Variants in TTLL10 observed in about 807,000 individuals in gnomAD.
TTLL10 encodes tubulin tyrosine ligase like 10.
TTLL10 carries 61 observed loss-of-function variants against 69.0 expected under a neutral mutation model. The ratio of observed to expected loss-of-function variants is 0.88; its 90% CI spans 0.72 to 1.09. The LOEUF is 1.09. TTLL10 is among the 50% of genes least tolerant of loss of function. TTLL10 has a pLI of 0.00. For missense variants in TTLL10, 962 were observed against 945.9 expected (o/e 1.02, Z -0.22); for synonymous variants, 408 against 393.3 (o/e 1.04, Z -0.44).
Position 1,197,836 on chromosome 1 carries a change from G to T in TTLL10, c.2011G>T (p.Ala671Ser). 2 of 1,494,772 alleles carry T rather than the reference G, an allele frequency of 1.3e-6. No individual in the cohort carries two copies. Among genetic ancestry groups the T allele is most frequent in the South Asian group, 1.3e-5 (1 of 78,374 alleles). 92.6% of individuals were successfully genotyped at this position (1,494,772 alleles called of 1,614,324 possible). The change falls in exon 16 of 16, where the codon GCG (alanine) becomes TCG (serine). Residue 671 changes from alanine (A) to serine (S), a missense_variant. Transcript: ENST00000379289. ...GGAGGAACGCGAGGAGCCTGAGAAC[G>T]CGAGGCCCTAGGGGCAGCCACCCGC... ...AKEEREEPEN[A>S]RP
Position 1,181,804 on chromosome 1 carries a change from C to T in TTLL10, c.819C>T (p.Leu273=), listed in dbSNP as rs2100873487. ...EDLPWTSPGY[L]RPQRVLRMEE... Reference sequence around the variant, plus strand: ...TCCCGTGGACAAGCCCAGGATACCTCAGGCCACAGAGGTAGACTCAGCCCA... The same window carrying T: ...TCCCGTGGACAAGCCCAGGATACCTTAGGCCACAGAGGTAGACTCAGCCCA... Residue 273 remains leucine (L), a synonymous_variant, in exon 9 of 16, where the codon CTC becomes CTT. Transcript: ENST00000379289. The surrounding 1 kb of genome is among the most constrained non-coding windows in gnomAD (Gnocchi z 4.6). The T allele has an allele frequency of 6.2e-7, 1 of 1,608,012 alleles. No homozygotes were observed. Among genetic ancestry groups the T allele is most frequent in the African/African-American group, 1.3e-5 (1 of 75,028 alleles).
chr1:1,183,638 C>T (rs1647149524), intron 11 of TTLL10, among the ~76,000 whole-genome samples: 1 of 152,240 alleles, frequency 6.6e-6, no homozygotes, highest in South Asian at 2.1e-4. Context: ...CTGGCGCGCT[C>T]CTTCCCTTCC....
chr1:1,189,145 C>T (rs1017567410), intron 13 of TTLL10, among the ~76,000 whole-genome samples: 1 of 152,110 alleles, frequency 6.6e-6, no homozygotes, highest in African/African-American at 2.4e-5. Flanking sequence ...TATTTCTTTT[C>T]TTACATATTG....
chr1:1,190,415 T>C (rs1339854187), intron 13 of TTLL10, among the ~76,000 whole-genome samples: 1 of 151,234 alleles, frequency 6.6e-6, no homozygotes, highest in Non-Finnish European at 1.5e-5. Flanking sequence ...GGGTTTAGTT[T>C]GCTCTTCTTT....
chr1:1,191,316 G>C (rs993024485), intron 13 of TTLL10, among the ~76,000 whole-genome samples: 3 of 151,996 alleles, frequency 2.0e-5, no homozygotes, highest in Non-Finnish European at 2.9e-5. Flanking sequence ...ATTGGAGCTG[G>C]TGTGTTGGCA....
chr1:1,185,222 G>A lies in TTLL10; in HGVS notation c.1401+113G>A, dbSNP rs1647230593. On this transcript the variant is annotated intron_variant, in intron 13 of 15. Coordinates refer to ENST00000379289, the MANE Select transcript of TTLL10 (RefSeq NM_001130045.2). The surrounding 1 kb of genome is among the most constrained non-coding windows in gnomAD (Gnocchi z 6.1). The stretch of plus-strand genomic sequence containing the variant: ...CGTGGCGTGCGTGGGCGGCTGCGCT[G>A]AAGTGTGACCTGACCGTGTGGAACC... 2.6e-6 allele frequency: 4 copies of A among 1,521,408 alleles called. No homozygotes were observed. Among genetic ancestry groups the A allele is most frequent in the Non-Finnish European group, 3.5e-6 (4 of 1,134,840 alleles). The allele number at this position is 1,521,408 out of a possible 1,614,324, so 94.2% of individuals were successfully genotyped here.
At position 1,185,080 on chromosome 1, in the gene TTLL10, G is replaced by T; in HGVS notation, c.1372G>T (p.Ala458Ser). ...SDTFWKARGL[A>S]KDWVFTTLKK... Reference sequence around the variant, plus strand: ...CACGTTCTGGAAGGCCCGGGGCCTCGCCAAGGACTGGGTCTTCACCACCCT... The same window carrying T: ...CACGTTCTGGAAGGCCCGGGGCCTCTCCAAGGACTGGGTCTTCACCACCCT... The change falls in exon 13 of 16, where the codon GCC (alanine) becomes TCC (serine). Residue 458 changes from alanine to serine, a missense_variant. Physicochemically the swap from Ala to Ser is moderately conservative, Grantham distance 99 (BLOSUM62 1). Coordinates refer to ENST00000379289, the MANE Select transcript of TTLL10 (RefSeq NM_001130045.2). This position sits in a 1 kb window ranked among gnomAD's most constrained non-coding sequence, Gnocchi z 6.1. 1 of 1,613,932 alleles carries T rather than the reference G, an allele frequency of 6.2e-7. No individual in the cohort carries two copies. Among genetic ancestry groups the T allele is most frequent in the Non-Finnish European group, 8.5e-7 (1 of 1,179,966 alleles).
At chr1:1,195,084 G>A (rs1648101727) in intron 13 of TTLL10, among the ~76,000 whole-genome samples, 1 of 152,168 alleles carries the variant, frequency 6.6e-6, no homozygotes, top group African/African-American at 2.4e-5. Context: ...CTCCTTCTGG[G>A]CTCAAGCAAT....
At chr1:1,190,099 G>A (rs528600118) in intron 13 of TTLL10, among the ~76,000 whole-genome samples, 16 of 147,512 alleles carry the variant, frequency 1.1e-4, no homozygotes, top group South Asian at 6.4e-4. Context: ...GGGACAGAGC[G>A]AGACCCCGTC....
chr1:1,182,969 C>T lies in TTLL10; in HGVS notation c.1010C>T (p.Ala337Val). Reference protein sequence around the residue: ...RNQEEVAALQAKTRSMEDDPI... With the variant: ...RNQEEVAALQVKTRSMEDDPI... ...CAGGAGGAAGTTGCCGCCCTGCAGG[C>T]CAAGACCCGGAGCATGGAGGACGAC... is the stretch of plus-strand genomic sequence containing the variant. Residue 337 changes from alanine to valine, a missense_variant, in exon 11 of 16, where the codon GCC becomes GTC. By Grantham distance (64) the Ala-to-Val change is moderately conservative (BLOSUM62 0). Transcript: ENST00000379289. 1 of 1,607,042 alleles carries T rather than the reference C, an allele frequency of 6.2e-7. No individual in the cohort carries two copies.
intron 3 of TTLL10, chr1:1,175,621 C>CA: frequency 2.3e-6 from 1 of 439,180 alleles, no homozygotes; most frequent in Non-Finnish European, 4.6e-6. Context: ...GTCACCCCCA[C>CA]AGTCACCATC....
In TTLL10 at chr1:1,196,590, C is replaced by G. The variant is rs1189891107; in HGVS notation, c.1402-10C>G. The stretch of plus-strand genomic sequence containing the variant: ...GGCCGCAGCCAGGATGCCTCCCTGC[C>G]TCCCTGCAGAAGCGGATGCAGCAGA... On this transcript the variant is annotated splice_polypyrimidine_tract_variant and intron_variant, in intron 13 of 15. Transcript: ENST00000379289. 6.5e-7 allele frequency: 1 copy of G among 1,548,386 alleles called. No individual in the cohort carries two copies. The highest frequency in any genetic ancestry group is 2.4e-5 in the East Asian group (1 of 40,908).
rs771570382 is a variant in TTLL10 at position 1,182,839 on chromosome 1, G to T, written c.917-37G>T. 6 of 1,520,104 alleles carry T rather than the reference G, an allele frequency of 3.9e-6. No homozygotes were observed. In the South Asian group the frequency reaches 7.6e-5, roughly 19 times the overall value. 94.2% of individuals were successfully genotyped at this position (1,520,104 alleles called of 1,614,324 possible). A position where few individuals can be genotyped will look rare whatever the true frequency, so the allele number is the denominator to read the frequency against. ...CCCTAGGAGGGGCGTGGCTGGGTTG[G>T]GGGCGAGGCCAGGGGCTCAGGCCGC... is the stretch of plus-strand genomic sequence containing the variant. On this transcript the variant is annotated intron_variant, in intron 10 of 15. Transcript: ENST00000379289.
chr1:1,181,074 A>C lies in TTLL10; in HGVS notation c.755+214A>C, dbSNP rs1245877244. ...GGCTCCCAGGCTGGCCCCAGCCCCCACCCGTCAGCACCTGCCTCCACCTTC... is the reference window on the plus strand; with the variant it reads ...GGCTCCCAGGCTGGCCCCAGCCCCCCCCCGTCAGCACCTGCCTCCACCTTC... On this transcript the variant is annotated intron_variant, in intron 8 of 15. Transcript: ENST00000379289. This position sits in a 1 kb window ranked among gnomAD's most constrained non-coding sequence, Gnocchi z 4.6. 2.0e-5 allele frequency among the ~76,000 whole-genome samples: 1 copy of C among 49,028 alleles called. No individual in the cohort carries two copies. Among genetic ancestry groups the C allele is most frequent in the African/African-American group, 7.9e-5 (1 of 12,592 alleles). The allele number at this position is 49,028 out of a possible 152,430, so 32.2% of individuals were successfully genotyped here. A position where few individuals can be genotyped will look rare whatever the true frequency, so the allele number is the denominator to read the frequency against.
At chr1:1,194,826 G>A (rs11260556) in intron 13 of TTLL10, among the ~76,000 whole-genome samples, 37,128 of 151,960 alleles carry the variant, frequency 0.24, 5,671 homozygotes, top group East Asian at 0.74. Flanking sequence ...GAATGTGTAG[G>A]TTGTTTTTCA....
chr1:1,179,096 A>G, intron 3 of TTLL10, 93 bp from the exon 4 acceptor site: 1 of 820,502 alleles, frequency 1.2e-6, no homozygotes, highest in Admixed American at 3.0e-5. Flanking sequence ...TTTCCTGGGC[A>G]GGGTGGGCCT....
chr1:1,190,288 A>G (rs1300291340), intron 13 of TTLL10, among the ~76,000 whole-genome samples: 2 of 137,620 alleles, frequency 1.5e-5, no homozygotes, highest in African/African-American at 5.5e-5. Flanking sequence ...CTAAGTCCTT[A>G]TCAATTTTGT....
rs1462240018 is a variant in TTLL10, at chr1:1,180,064, G to A, written c.230G>A (p.Ser77Asn). The A allele has an allele frequency of 1.3e-6, 2 of 1,591,410 alleles. No individual in the cohort carries two copies. The highest frequency in any genetic ancestry group is 1.1e-5 in the South Asian group (1 of 87,498). ...GPAHERPMGS[S>N]QEEGLRCQPS... Reference sequence around the variant, plus strand: ...GCCCACGAGAGGCCAATGGGGAGCAGCCAGGAGGAGGGACTCCGGTGTCAG... The same window carrying A: ...GCCCACGAGAGGCCAATGGGGAGCAACCAGGAGGAGGGACTCCGGTGTCAG... Residue 77 changes from serine to asparagine, a missense_variant, in exon 6 of 16, where the codon AGC (serine) becomes AAC (asparagine). Physicochemically the swap from Ser to Asn is conservative, Grantham distance 46 (BLOSUM62 1). Transcript: ENST00000379289.
intron 13 of TTLL10, among the ~76,000 whole-genome samples, chr1:1,189,897 G>A (rs1309568180): frequency 6.6e-6 from 1 of 152,112 alleles, no homozygotes; most frequent in Non-Finnish European, 1.5e-5. Flanking sequence ...TGGATCATGA[G>A]GTCAGGAGAT....
Sources: allele counts gnomAD v4.1 joint callset (sites outside exome capture counted in the v4.1 genomes callset), GRCh38; gene constraint gnomAD v4.1.1; non-coding constraint Gnocchi (gnomAD v3.1); transcripts MANE v1.5; gene names NCBI Gene and HGNC (gene_info 2026-07-23, HGNC 2026-07-21).